Variants in SLC22A15 observed in about 807,000 individuals in gnomAD.
SLC22A15 encodes solute carrier family 22 member 15, also known as flipt 1.
In SLC22A15, 45 loss-of-function variants were observed where a neutral mutation model predicts 62.7. The ratio of observed to expected loss-of-function variants is 0.72; its 90% CI spans 0.56 to 0.92. The LOEUF is 0.92. SLC22A15 is among the 40% of genes least tolerant of loss of function. SLC22A15 has a pLI of 0.00. For synonymous variants in SLC22A15, 264 were observed against 267.0 expected (o/e 0.99, Z 0.11); for missense variants, 622 against 665.6 (o/e 0.93, Z 0.72).
rs139666365 is a variant in SLC22A15 at position 116,011,739 on chromosome 1, T to C, written c.301-7843T>C. Among the ~76,000 whole-genome samples, 10 of 151,832 alleles carry C rather than the reference T, an allele frequency of 6.6e-5. No individual in the cohort carries two copies. The East Asian group carries it at 1.9e-3, about 29-fold the overall frequency. On this transcript the variant is annotated intron_variant, in intron 2 of 11. Transcript: ENST00000369503. ...CTGCTGGGGTAAGTCAGACGAGACT[T>C]AAGGTGTGTCATGGAGAATGAATAG...
intron 8 of SLC22A15, 182 bp downstream of exon 8, chr1:116,037,570 T>C: frequency 1.7e-6 from 1 of 585,290 alleles, no homozygotes; most frequent in East Asian, 2.9e-5. Context: ...GGGTGAATAA[T>C]GTGTGTAGAG....
At chr1:116,052,063 G>T (rs1278137944) in intron 8 of SLC22A15, among the ~76,000 whole-genome samples, 2 of 152,196 alleles carry the variant, frequency 1.3e-5, no homozygotes, top group African/African-American at 4.8e-5. Context: ...CAGGACAGTG[G>T]GTGCAGTGCA....
intron 2 of SLC22A15, among the ~76,000 whole-genome samples, chr1:116,016,906 C>T (rs1162035983): frequency 6.6e-6 from 1 of 152,154 alleles, no homozygotes; most frequent in Non-Finnish European, 1.5e-5. Flanking sequence ...ACTGTAACTC[C>T]CCTGCTTCCA....
At chr1:116,023,676 T>A (rs1656952305) in intron 4 of SLC22A15, among the ~76,000 whole-genome samples, 1 of 152,202 alleles carries the variant, frequency 6.6e-6, no homozygotes. Context: ...AACAAATTGA[T>A]AATTTCTGAA....
chr1:116,030,537 G>A (rs1657340960), intron 5 of SLC22A15, among the ~76,000 whole-genome samples: 1 of 152,166 alleles, frequency 6.6e-6, no homozygotes, highest in Non-Finnish European at 1.5e-5. Context: ...CTCTGAAAGT[G>A]TAGGTAAAAT....
At position 115,992,142 on chromosome 1, in the gene SLC22A15, G is replaced by A; in HGVS notation, c.199G>A (p.Gly67Ser). ...TCAGAGCCACGGTAACCAGTCAGCT[G>A]GTGAAGACCAGGCCTTTGGGGACTG... is the stretch of plus-strand genomic sequence containing the variant. Reference protein sequence around the residue: ...PNQSHGNQSAGEDQAFGDWLL... With the variant: ...PNQSHGNQSASEDQAFGDWLL... Residue 67 changes from glycine to serine, a missense_variant, in exon 2 of 12, where the codon GGT becomes AGT. Physicochemically the swap from Gly to Ser is moderately conservative, Grantham distance 56 (BLOSUM62 0). Transcript: ENST00000369503. 2 of 1,613,676 alleles carry A rather than the reference G, an allele frequency of 1.2e-6. No individual in the cohort carries two copies. Among genetic ancestry groups the A allele is most frequent in the Non-Finnish European group, 1.7e-6 (2 of 1,179,760 alleles).
chr1:115,992,299 C>T lies in SLC22A15; in HGVS notation c.300+56C>T, dbSNP rs570110069. ...AATGTCTCTCTTTGTCCACATAGAG[C>T]TACTCTTTTTGTCTTGCTGATTTAA... On this transcript the variant is annotated intron_variant, in intron 2 of 11. Transcript: ENST00000369503. 3 of 1,363,090 alleles carry T rather than the reference C, an allele frequency of 2.2e-6. No homozygotes were observed. In the South Asian group the frequency reaches 3.8e-5, roughly 17 times the overall value. The allele number at this position is 1,363,090 out of a possible 1,614,324, so 84.4% of individuals were successfully genotyped here. A position where few individuals can be genotyped will look rare whatever the true frequency, so the allele number is the denominator to read the frequency against.
chr1:116,031,529 C>A lies in SLC22A15; in HGVS notation c.892C>A (p.Leu298Ile). 1 of 1,613,990 alleles carries A rather than the reference C, an allele frequency of 6.2e-7. No individual in the cohort carries two copies. Among genetic ancestry groups the A allele is most frequent in the Non-Finnish European group, 8.5e-7 (1 of 1,179,886 alleles). The change falls in exon 6 of 12, where the codon CTC becomes ATC. Residue 298 changes from leucine (L) to isoleucine (I), a missense_variant. Coordinates refer to ENST00000369503, the MANE Select transcript of SLC22A15 (RefSeq NM_018420.3). ...CAGGGAGACTGGAAGTTTCCTGGAT[C>A]TCTTTCGTTACCGGGTCCTGTTAGG... Reference protein sequence around the residue: ...SCRETGSFLDLFRYRVLLGHT... With the variant: ...SCRETGSFLDIFRYRVLLGHT...
chr1:115,990,120 G>C (rs772125187), intron 1 of SLC22A15, among the ~76,000 whole-genome samples: 16 of 152,352 alleles, frequency 1.1e-4, no homozygotes, highest in Non-Finnish European at 1.8e-4. Flanking sequence ...CTTCTGGAGG[G>C]CTTGGAGACA....
At chr1:116,033,810 A>G (rs1008241894) in intron 6 of SLC22A15, among the ~76,000 whole-genome samples, 2 of 152,152 alleles carry the variant, frequency 1.3e-5, no homozygotes, top group African/African-American at 4.8e-5. Flanking sequence ...GCATCCTTAC[A>G]TGTGATGTCC....
At chr1:116,031,276 C>A in intron 5 of SLC22A15, 90 bp from the exon 6 acceptor site, 1 of 942,056 alleles carries the variant, frequency 1.1e-6, no homozygotes, top group Non-Finnish European at 1.6e-6. Flanking sequence ...ATTTGTGGTG[C>A]AGGAATCCAC....
At chr1:116,046,303 A>C (rs192696256) in intron 8 of SLC22A15, among the ~76,000 whole-genome samples, 85 of 152,334 alleles carry the variant, frequency 5.6e-4, no homozygotes, top group Non-Finnish European at 9.4e-4. Flanking sequence ...CTATTACAGA[A>C]ATGAAAAGTA....
intron 1 of SLC22A15, among the ~76,000 whole-genome samples, chr1:115,988,580 G>C (rs1256642399): frequency 1.3e-5 from 2 of 152,156 alleles, no homozygotes; most frequent in Non-Finnish European, 2.9e-5. Flanking sequence ...GAGTGCAGTG[G>C]TGCAATCTCA....
intron 2 of SLC22A15, among the ~76,000 whole-genome samples, chr1:116,002,073 G>T (rs1655766500): frequency 6.6e-6 from 1 of 152,230 alleles, no homozygotes; most frequent in Non-Finnish European, 1.5e-5. Context: ...CTCAAGCCTA[G>T]TAGCACTGTG....
chr1:116,018,026 TA>T (rs1255160362), intron 2 of SLC22A15, among the ~76,000 whole-genome samples: 1 of 152,236 alleles, frequency 6.6e-6, no homozygotes, highest in Non-Finnish European at 1.5e-5. Flanking sequence ...ATATAAAATT[TA>T]CCATTTTATT....
intron 11 of SLC22A15, 50 bp downstream of exon 11, chr1:116,066,758 G>A (rs1570779949): frequency 2.0e-6 from 3 of 1,504,754 alleles, no homozygotes; most frequent in African/African-American, 1.4e-5. Context: ...GGCAGTTAAT[G>A]AAAAAAAGAA....
chr1:116,008,186 A>G (rs2101188746), intron 2 of SLC22A15, among the ~76,000 whole-genome samples: 1 of 152,170 alleles, frequency 6.6e-6, no homozygotes, highest in East Asian at 1.9e-4. Context: ...ACAAAATATA[A>G]TTTTAAAGAG....
intron 2 of SLC22A15, among the ~76,000 whole-genome samples, chr1:115,997,832 GA>G (rs1455245574): frequency 1.3e-5 from 2 of 152,154 alleles, no homozygotes; most frequent in East Asian, 1.9e-4. Flanking sequence ...GTACTAAGTT[GA>G]AAAATGGGGT....
chr1:116,066,880 C>T, intron 11 of SLC22A15, 139 bp from the exon 12 acceptor site: 1 of 945,402 alleles, frequency 1.1e-6, no homozygotes, highest in Non-Finnish European at 1.6e-6. Context: ...ATTAGCTTTC[C>T]TAGAATATTT....
Sources: allele counts gnomAD v4.1 joint callset (sites outside exome capture counted in the v4.1 genomes callset), GRCh38; gene constraint gnomAD v4.1.1; transcripts MANE v1.5; gene names NCBI Gene and HGNC (gene_info 2026-07-23, HGNC 2026-07-21).